The following DNAJC13 variants were observed in gnomAD, a reference collection of about 807,000 sequenced individuals.
DNAJC13 encodes the protein DnaJ heat shock protein family (Hsp40) member C13.
A neutral mutation model predicts 290.5 loss-of-function variants in DNAJC13; 75 were observed. That is an observed-to-expected ratio of 0.26 (90% confidence interval 0.21 to 0.31). The LOEUF (loss-of-function observed/expected upper bound fraction) is 0.31, where lower values mean the gene tolerates loss of function less well. Among genes scored for constraint, DNAJC13 ranks in the 10% least tolerant of loss-of-function variants. The pLI is 1.00. For synonymous variants in DNAJC13, 862 were observed against 892.0 expected (o/e 0.97, Z 0.60); for missense variants, 2,260 against 2,674.5 (o/e 0.85, Z 3.42).
In DNAJC13 at chr3:132,495,067, A is replaced by G. The variant is rs372612257; in HGVS notation, c.3942-21A>G. The G allele has an allele frequency of 6.3e-6, 10 of 1,599,678 alleles. No individual in the cohort carries two copies. The African/African-American group carries it at 1.2e-4, about 19-fold the overall frequency. ...TTCTTGTGCCTTACTATACTCATAA[A>G]ACAATTTTCCTGTTTAACAGGCATG... On this transcript the variant is annotated intron_variant, in intron 34 of 55. Coordinates refer to ENST00000260818, the MANE Select transcript of DNAJC13 (RefSeq NM_015268.4).
intron 1 of DNAJC13, among the ~76,000 whole-genome samples, chr3:132,420,880 C>T (rs1023162645): frequency 6.6e-6 from 1 of 152,160 alleles, no homozygotes; most frequent in African/African-American, 2.4e-5. Flanking sequence ...TCCTACACAA[C>T]ATGTCCAGCT....
At chr3:132,512,827 C>T (rs1935817725) in intron 44 of DNAJC13, among the ~76,000 whole-genome samples, 181 bp from the exon 45 acceptor site, 1 of 152,198 alleles carries the variant, frequency 6.6e-6, no homozygotes, top group South Asian at 2.1e-4. Flanking sequence ...TAACACCTTA[C>T]ATTTTGCCTT....
chr3:132,514,659 C>G lies in DNAJC13; in HGVS notation c.5474C>G (p.Ser1825Ter). 1 of 1,609,468 alleles carries G rather than the reference C, an allele frequency of 6.2e-7. No individual in the cohort carries two copies. Among genetic ancestry groups the G allele is most frequent in the Non-Finnish European group, 8.5e-7 (1 of 1,177,676 alleles). ...VLSSLLALLH[S>*]LPSSRQLVLE... is the part of the protein sequence containing the mutation. Reference sequence around the variant, plus strand: ...TCCAGTTTATTGGCTCTTCTACATTCATTGCCATCAAGTATGTATACAGAT... The same window carrying G: ...TCCAGTTTATTGGCTCTTCTACATTGATTGCCATCAAGTATGTATACAGAT... Residue 1825 changes from serine to a stop codon, truncating the protein, a stop_gained, in exon 46 of 56, where the codon TCA becomes TGA. Coordinates refer to ENST00000260818, the MANE Select transcript of DNAJC13 (RefSeq NM_015268.4). LOFTEE classifies it high-confidence loss of function.
intron 1 of DNAJC13, among the ~76,000 whole-genome samples, chr3:132,428,725 C>T (rs1939168189): frequency 6.6e-6 from 1 of 152,144 alleles, no homozygotes; most frequent in South Asian, 2.1e-4. Context: ...GTTTTGAACA[C>T]TTTGTCAAGA....
At position 132,479,722 on chromosome 3, in the gene DNAJC13, C is replaced by T. The variant is rs1353129861; in HGVS notation, c.2772+433C>T. Among the ~76,000 whole-genome samples, 5 of 152,008 alleles carry T rather than the reference C, an allele frequency of 3.3e-5. No individual in the cohort carries two copies. In the South Asian group the frequency reaches 1.0e-3, roughly 32 times the overall value. ...GATTAGTCATTTTACTCTGTATTTT[C>T]TTTTTAAAGACATTTTAATAGGTTC... On this transcript the variant is annotated intron_variant, in intron 25 of 55. Transcript: ENST00000260818.
rs1029417971 is a variant in DNAJC13 at position 132,478,117 on chromosome 3, T to C, written c.2686T>C (p.Tyr896His). The change falls in exon 24 of 56, where the codon TAT (tyrosine) becomes CAT (histidine). Residue 896 changes from tyrosine (Y) to histidine (H), a missense_variant. Transcript: ENST00000260818. ...EEIGPFTDTR[Y>H]IIGMLERCTD... The stretch of plus-strand genomic sequence containing the variant: ...AATAGGACCTTTTACAGATACCAGA[T>C]ATATCATTGGAATGTTAGAGAGGGT... 2.6e-5 allele frequency: 42 copies of C among 1,611,006 alleles called. No individual in the cohort carries two copies. The highest frequency in any genetic ancestry group is 3.3e-5 in the Non-Finnish European group (39 of 1,179,122).
At chr3:132,516,010 C>A (rs937614403) in intron 46 of DNAJC13, among the ~76,000 whole-genome samples, 1 of 152,188 alleles carries the variant, frequency 6.6e-6, no homozygotes, top group Non-Finnish European at 1.5e-5. Flanking sequence ...CCCGGTCTTA[C>A]AACTGCTACT....
intron 51 of DNAJC13, among the ~76,000 whole-genome samples, chr3:132,524,611 C>T (rs1005628617): frequency 3.3e-5 from 5 of 152,210 alleles, no homozygotes; most frequent in African/African-American, 1.2e-4. Flanking sequence ...ATTTTTAAAA[C>T]ATGATTAGCT....
At chr3:132,475,976 T>C (rs933897995) in intron 22 of DNAJC13, among the ~76,000 whole-genome samples, 1 of 152,182 alleles carries the variant, frequency 6.6e-6, no homozygotes, top group Non-Finnish European at 1.5e-5. Flanking sequence ...CTTTATTGCA[T>C]AGGCTAGACT....
intron 28 of DNAJC13, 40 bp from the exon 29 acceptor site, chr3:132,484,548 A>G (rs1412863079): frequency 6.3e-7 from 1 of 1,579,298 alleles, no homozygotes; most frequent in Admixed American, 1.7e-5. Context: ...ACAAATTTTA[A>G]CAAATATATT....
chr3:132,491,478 C>T (rs1010888023), intron 32 of DNAJC13, among the ~76,000 whole-genome samples: 2 of 152,002 alleles, frequency 1.3e-5, no homozygotes, highest in Non-Finnish European at 2.9e-5. Flanking sequence ...AACAGAGATA[C>T]CCGAAATTAT....
intron 2 of DNAJC13, among the ~76,000 whole-genome samples, chr3:132,442,505 T>C (rs1933104584): frequency 6.6e-6 from 1 of 152,242 alleles, no homozygotes; most frequent in South Asian, 2.1e-4. Flanking sequence ...GTGGTTTTCC[T>C]GTTCAGATGA....
intron 50 of DNAJC13, 106 bp from the exon 51 acceptor site, chr3:132,523,434 G>A: frequency 1.5e-6 from 2 of 1,319,726 alleles, no homozygotes; most frequent in Non-Finnish European, 2.1e-6. Context: ...TTATATTATG[G>A]CTGTTTGTGG....
intron 54 of DNAJC13, 45 bp from the exon 55 acceptor site, chr3:132,530,953 C>T (rs373643718): frequency 3.9e-6 from 6 of 1,551,416 alleles, no homozygotes; most frequent in African/African-American, 1.4e-5. Flanking sequence ...CTTCCAACAT[C>T]CAGTCCTTGA....
chr3:132,463,499 A>G (rs1016441832), intron 16 of DNAJC13, among the ~76,000 whole-genome samples, 197 bp from the exon 17 acceptor site: 4 of 152,158 alleles, frequency 2.6e-5, no homozygotes, highest in African/African-American at 9.7e-5. Flanking sequence ...AAACATCTCA[A>G]CCTTATTCCA....
chr3:132,440,173 C>T (rs1933009775), intron 2 of DNAJC13, among the ~76,000 whole-genome samples: 1 of 152,178 alleles, frequency 6.6e-6, no homozygotes, highest in Non-Finnish European at 1.5e-5. Flanking sequence ...GGGAGAATTG[C>T]TTGAACCCAG....
intron 20 of DNAJC13, among the ~76,000 whole-genome samples, chr3:132,468,801 A>G (rs1934088388): frequency 6.6e-6 from 1 of 152,208 alleles, no homozygotes; most frequent in Non-Finnish European, 1.5e-5. Flanking sequence ...TTTCACAGTT[A>G]TTAAAAATTA....
At chr3:132,441,990 C>T (rs1030463939) in intron 2 of DNAJC13, among the ~76,000 whole-genome samples, 1 of 149,644 alleles carries the variant, frequency 6.7e-6, no homozygotes, top group Admixed American at 6.6e-5. Flanking sequence ...AATAGAGTAT[C>T]TGACCTAACA....
At chr3:132,471,973 C>T (rs1211443807) in intron 20 of DNAJC13, among the ~76,000 whole-genome samples, 3 of 147,368 alleles carry the variant, frequency 2.0e-5, no homozygotes, top group South Asian at 4.6e-4. Flanking sequence ...ACTGAGTGAA[C>T]GAGACTCCGT....
Sources: allele counts gnomAD v4.1 joint callset (sites outside exome capture counted in the v4.1 genomes callset), GRCh38; gene constraint gnomAD v4.1.1; transcripts MANE v1.5; gene names NCBI Gene and HGNC (gene_info 2026-07-23, HGNC 2026-07-21).